Variants in NDST4 observed in about 807,000 individuals in gnomAD.
NDST4 encodes N-deacetylase and N-sulfotransferase 4, also known as N-heparan sulfate sulfotransferase 4.
NDST4 carries 63 observed loss-of-function variants against 100.8 expected under a neutral mutation model. The ratio of observed to expected loss-of-function variants is 0.62; its 90% confidence interval spans 0.51 to 0.77. The LOEUF (loss-of-function observed/expected upper bound fraction) is 0.77. Ranked by LOEUF, NDST4 falls within the 30% of genes least tolerant of loss-of-function variation. The pLI is 0.00. For missense variants in NDST4, 943 were observed against 1,018.4 expected (o/e 0.93, Z 1.01); for synonymous variants, 377 against 361.8 (o/e 1.04, Z -0.48).
chr4:115,057,729 CACACA>C lies in NDST4; in HGVS notation c.978+18325_978+18329del, dbSNP rs1269514416. On this transcript the variant is annotated intron_variant, in intron 2 of 13. Transcript: ENST00000264363. ...ACACACACACACACACACACACACA[CACACA>C]GACACACACACACACACACACACAC... is the stretch of plus-strand genomic sequence containing the variant. Among the ~76,000 whole-genome samples, 3 of 75,928 alleles carry C rather than the reference CACACA, an allele frequency of 4.0e-5. No individual in the cohort carries two copies. The East Asian group carries it at 1.9e-3, about 48-fold the overall frequency. The allele number at this position is 75,928 out of a possible 152,430, so 49.8% of individuals were successfully genotyped here.
rs760463187 is a variant in NDST4, at chr4:114,870,818, C to T, written c.1669G>A (p.Ala557Thr). The T allele has an allele frequency of 6.2e-7, 1 of 1,612,902 alleles. No homozygotes were observed. The highest frequency in any genetic ancestry group is 8.5e-7 in the Non-Finnish European group (1 of 1,179,318). ...GGGAAGAGCTCAAAATACTGGTGGG[C>T]CAGTTGCACTGGAGGCAGAGTTTGC... ...KLQTLPPVQL[A>T]HQYFELFPEQ... Residue 557 changes from alanine to threonine, a missense_variant, in exon 7 of 14, where the codon GCC (alanine) becomes ACC (threonine). By Grantham distance (58) the Ala-to-Thr change is moderately conservative (BLOSUM62 0). This residue lies in a region of NDST4 where 526 missense variants were observed against 634.1 expected (regional missense o/e 0.83). Transcript: ENST00000264363.
intron 4 of NDST4, among the ~76,000 whole-genome samples, chr4:114,962,857 T>C (rs923014046): frequency 3.3e-5 from 5 of 152,044 alleles, no homozygotes; most frequent in Admixed American, 6.6e-5. Context: ...GTCAAAATCA[T>C]CTTGAAAGAA....
intron 1 of NDST4, among the ~76,000 whole-genome samples, chr4:115,090,634 A>C (rs1729498756): frequency 6.6e-6 from 1 of 152,022 alleles, no homozygotes; most frequent in South Asian, 2.1e-4. Context: ...TGATTTTTTT[A>C]ATGGGTATTT....
At chr4:115,016,089 A>T (rs1279243969) in intron 2 of NDST4, among the ~76,000 whole-genome samples, 1 of 152,068 alleles carries the variant, frequency 6.6e-6, no homozygotes, top group African/African-American at 2.4e-5. Flanking sequence ...ATGTTAATCC[A>T]TCAATTATTG....
intron 4 of NDST4, among the ~76,000 whole-genome samples, chr4:114,945,001 G>C (rs889042481): frequency 2.0e-5 from 3 of 151,808 alleles, no homozygotes; most frequent in Non-Finnish European, 4.4e-5. Flanking sequence ...TGTGAGGTCG[G>C]GAGTTCGAGA....
chr4:115,060,403 G>A (rs1728794126), intron 2 of NDST4, among the ~76,000 whole-genome samples: 2 of 152,034 alleles, frequency 1.3e-5, no homozygotes, highest in Non-Finnish European at 1.5e-5. Context: ...GGTCAATGTA[G>A]TAGTCTTTAA....
intron 6 of NDST4, among the ~76,000 whole-genome samples, chr4:114,906,883 G>T (rs1724961256): frequency 6.6e-6 from 1 of 151,892 alleles, no homozygotes; most frequent in South Asian, 2.1e-4. Context: ...GTCAAGATTG[G>T]ACTCTTTTGC....
At chr4:114,852,122 A>T (rs1320878114) in intron 8 of NDST4, among the ~76,000 whole-genome samples, 1 of 152,144 alleles carries the variant, frequency 6.6e-6, no homozygotes, top group Non-Finnish European at 1.5e-5. Flanking sequence ...AAATGCTTTC[A>T]CTCTCTTTTA....
chr4:114,985,365 A>G (rs1726876796), intron 2 of NDST4, among the ~76,000 whole-genome samples: 1 of 152,196 alleles, frequency 6.6e-6, no homozygotes. Flanking sequence ...GCCACTCTTC[A>G]TTCATTCATT....
intron 7 of NDST4, among the ~76,000 whole-genome samples, chr4:114,859,052 G>C (rs1560782181): frequency 6.6e-6 from 1 of 152,186 alleles, no homozygotes; most frequent in Non-Finnish European, 1.5e-5. Flanking sequence ...TCCTTACCCA[G>C]TTATAACTGT....
At chr4:114,934,003 G>A (rs1378700876) in intron 6 of NDST4, among the ~76,000 whole-genome samples, 1 of 152,044 alleles carries the variant, frequency 6.6e-6, no homozygotes, top group African/African-American at 2.4e-5. Flanking sequence ...ATAGCCAAAC[G>A]AAATGAAATT....
chr4:115,068,038 C>A (rs1440709782), intron 2 of NDST4, among the ~76,000 whole-genome samples: 1 of 151,854 alleles, frequency 6.6e-6, no homozygotes, highest in Non-Finnish European at 1.5e-5. Flanking sequence ...ATGATGGTTT[C>A]CAGCTTCATC....
At chr4:114,961,810 A>G (rs1439358571) in intron 4 of NDST4, among the ~76,000 whole-genome samples, 1 of 152,088 alleles carries the variant, frequency 6.6e-6, no homozygotes, top group Non-Finnish European at 1.5e-5. Context: ...AAAAAAGAAG[A>G]GCAAAGAATA....
chr4:115,041,084 C>T, intron 2 of NDST4, among the ~76,000 whole-genome samples: 1 of 151,946 alleles, frequency 6.6e-6, no homozygotes, highest in East Asian at 1.9e-4. Flanking sequence ...GAAATAATTG[C>T]AATGTCACTA....
chr4:114,961,771 A>G (rs1211778320), intron 4 of NDST4, among the ~76,000 whole-genome samples: 1 of 152,070 alleles, frequency 6.6e-6, no homozygotes, highest in African/African-American at 2.4e-5. Flanking sequence ...AATGCTTGTA[A>G]TTTGTGACTT....
chr4:114,960,609 T>C (rs949663978), intron 4 of NDST4, among the ~76,000 whole-genome samples: 1 of 152,182 alleles, frequency 6.6e-6, no homozygotes, highest in African/African-American at 2.4e-5. Context: ...TACGTATTTA[T>C]GGAAGACGGT....
chr4:115,030,333 T>G, intron 2 of NDST4, among the ~76,000 whole-genome samples: 1 of 152,144 alleles, frequency 6.6e-6, no homozygotes, highest in East Asian at 1.9e-4. Flanking sequence ...TTATAATTTT[T>G]ATTCTGTTAA....
chr4:114,996,227 C>T (rs945897847), intron 2 of NDST4, among the ~76,000 whole-genome samples: 1 of 152,006 alleles, frequency 6.6e-6, no homozygotes, highest in Non-Finnish European at 1.5e-5. Context: ...TGAGTGAGTT[C>T]TCAGATCTGA....
At chr4:115,044,246 C>T (rs1383687582) in intron 2 of NDST4, among the ~76,000 whole-genome samples, 8 of 151,970 alleles carry the variant, frequency 5.3e-5, no homozygotes, top group Non-Finnish European at 1.2e-4. Flanking sequence ...CGCCTAAGAT[C>T]TGGAATAAAT....
Sources: allele counts gnomAD v4.1 joint callset (sites outside exome capture counted in the v4.1 genomes callset), GRCh38; gene constraint gnomAD v4.1.1; regional missense constraint gnomAD v4.1.1; transcripts MANE v1.5; gene names NCBI Gene and HGNC (gene_info 2026-07-23, HGNC 2026-07-21).